The following GNAI1 variants were observed in gnomAD, a reference collection of about 807,000 sequenced individuals.
GNAI1 encodes G protein subunit alpha i1, also known as guanine nucleotide-binding protein G(i) subunit alpha-1.
Under a neutral mutation model 38.9 loss-of-function variants are expected in GNAI1, and 11 were observed. The observed-to-expected ratio is 0.28, with a 90% CI of 0.18 to 0.47. The LOEUF (loss-of-function observed/expected upper bound fraction) is 0.47, where lower values mean the gene tolerates loss of function less well. Ranked by LOEUF, GNAI1 falls within the 20% of genes least tolerant of loss-of-function variation. The pLI is 0.99. For missense variants in GNAI1, 317 were observed against 436.9 expected (o/e 0.73, Z 2.45); for synonymous variants, 166 against 145.1 (o/e 1.14, Z -1.04).
At position 80,217,212 on chromosome 7, in the gene GNAI1, CTTCAGTTTCATATGTATGAAACTGAA is replaced by C. The variant is rs1788986756; in HGVS notation, c.875-84_875-59del. The C allele has an allele frequency of 2.0e-5, 16 of 790,868 alleles. No homozygotes were observed. In the South Asian group the frequency reaches 3.4e-4, roughly 17 times the overall value. The allele number at this position is 790,868 out of a possible 1,614,324, so 49.0% of individuals were successfully genotyped here. A position where few individuals can be genotyped will look rare whatever the true frequency, so the allele number is the denominator to read the frequency against. On this transcript the variant is annotated intron_variant, in intron 7 of 7. Coordinates refer to ENST00000649796, the MANE Select transcript of GNAI1 (RefSeq NM_002069.6). ...CATGAATGAAACTGTATGAAACTGA[CTTCAGTTTCATATGTATGAAACTGAA>C]TTCAGTATTTTAAGCAGTTATTTTA...
chr7:80,197,159 G>T (rs1788591937), intron 3 of GNAI1, among the ~76,000 whole-genome samples: 1 of 140,068 alleles, frequency 7.1e-6, no homozygotes, highest in Admixed American at 7.4e-5. Context: ...ATTTGACCTT[G>T]ACCTATTTTT....
rs900663786 is a variant in GNAI1, at chr7:80,135,914, G to T, written c.118+636G>T. On this transcript the variant is annotated intron_variant, in intron 1 of 7. Coordinates refer to ENST00000649796, the MANE Select transcript of GNAI1 (RefSeq NM_002069.6). Reference sequence around the variant, plus strand: ...ATGCTTGATTTTTCTTGCTGTGGGGGCATGGAAGCCACCCAAGTGGGGTTG... The same window carrying T: ...ATGCTTGATTTTTCTTGCTGTGGGGTCATGGAAGCCACCCAAGTGGGGTTG... 4 of 985,322 alleles carry T rather than the reference G, an allele frequency of 4.1e-6. No homozygotes were observed. In the African/African-American group the frequency reaches 7.0e-5, roughly 17 times the overall value. 61.0% of individuals were successfully genotyped at this position (985,322 alleles called of 1,614,324 possible). A position where few individuals can be genotyped will look rare whatever the true frequency, so the allele number is the denominator to read the frequency against.
At chr7:80,203,481 T>C (rs56002618) in intron 4 of GNAI1, among the ~76,000 whole-genome samples, 2,673 of 152,230 alleles carry the variant, frequency 0.018, 30 homozygotes, top group Middle Eastern at 0.051. Context: ...TAAAAAATAC[T>C]AAAAGAGCTT....
chr7:80,152,642 C>T (rs1787748646), intron 1 of GNAI1, among the ~76,000 whole-genome samples: 1 of 147,800 alleles, frequency 6.8e-6, no homozygotes, highest in East Asian at 2.1e-4. Context: ...CTCACTTCAA[C>T]CTCCAACTTC....
At chr7:80,177,088 T>C (rs1468053318) in intron 1 of GNAI1, among the ~76,000 whole-genome samples, 1 of 129,796 alleles carries the variant, frequency 7.7e-6, no homozygotes, top group East Asian at 2.4e-4. Context: ...TGGAGTGTAG[T>C]GGCACAATCT....
rs574486315 is a variant in GNAI1 at position 80,185,645 on chromosome 7, C to A, written c.119-3306C>A. 2.6e-5 allele frequency among the ~76,000 whole-genome samples: 4 copies of A among 152,244 alleles called. 1 individual carries two copies. Among genetic ancestry groups the A allele is most frequent in the South Asian group, 4.1e-4 (2 of 4,824 alleles). ...CGGTGGCCCTACTACGATTAAACTT[C>A]TTTCTCTGCTGCAGCCCAGGGTCTC... is the stretch of plus-strand genomic sequence containing the variant. On this transcript the variant is annotated intron_variant, in intron 1 of 7. Coordinates refer to ENST00000649796, the MANE Select transcript of GNAI1 (RefSeq NM_002069.6).
At chr7:80,191,611 C>T (rs566085939) in intron 3 of GNAI1, among the ~76,000 whole-genome samples, 4 of 152,218 alleles carry the variant, frequency 2.6e-5, no homozygotes, top group Non-Finnish European at 1.5e-5. Context: ...AGACTGGTCT[C>T]GAGCTCCTGG....
chr7:80,219,027 T>TTTTGTGTGTGTGTGTG lies in GNAI1; in HGVS notation c.*1535_*1536insTTGTGTGTGTGTGTGT, dbSNP rs1554353980. ...GTGTTGTCACTGGGTTGAAGTATATTTGTGTGTGTGTGTGTGTGTGTGTGT... is the reference window on the plus strand; with the variant it reads ...GTGTTGTCACTGGGTTGAAGTATATTTTTGTGTGTGTGTGTGTGTGTGTGTGTGTGTGTGTGTGTGT... On this transcript the variant is annotated 3_prime_UTR_variant, in exon 8 of 8. Transcript: ENST00000649796. 5 of 145,836 alleles carry TTTTGTGTGTGTGTGTG rather than the reference T, an allele frequency of 3.4e-5. No individual in the cohort carries two copies. The highest frequency in any genetic ancestry group is 1.0e-4 in the African/African-American group (4 of 39,220). The allele number at this position is 145,836 out of a possible 1,614,324, so 9.0% of individuals were successfully genotyped here. A position where few individuals can be genotyped will look rare whatever the true frequency, so the allele number is the denominator to read the frequency against.
chr7:80,155,721 G>C (rs1456614895), intron 1 of GNAI1, among the ~76,000 whole-genome samples: 2 of 150,590 alleles, frequency 1.3e-5, no homozygotes, highest in African/African-American at 2.4e-5. Context: ...TACACAGTTA[G>C]ATGTTTAAGA....
chr7:80,140,141 G>T (rs1050742066), intron 1 of GNAI1, among the ~76,000 whole-genome samples: 2 of 151,906 alleles, frequency 1.3e-5, no homozygotes, highest in African/African-American at 4.8e-5. Context: ...CTGCCACCAC[G>T]CCCGGCTAAT....
intron 5 of GNAI1, among the ~76,000 whole-genome samples, chr7:80,209,406 A>C (rs2115701416): frequency 6.6e-6 from 1 of 152,246 alleles, no homozygotes; most frequent in South Asian, 2.1e-4. Flanking sequence ...GGGAAACCTC[A>C]GTTTTTGCCA....
intron 1 of GNAI1, among the ~76,000 whole-genome samples, chr7:80,176,177 A>G (rs1310910638): frequency 2.0e-5 from 3 of 152,222 alleles, no homozygotes; most frequent in African/African-American, 7.2e-5. Context: ...TGACATGGAG[A>G]AAGTTTTAGT....
intron 3 of GNAI1, among the ~76,000 whole-genome samples, chr7:80,192,166 T>G (rs566221933): frequency 2.6e-5 from 4 of 152,174 alleles, no homozygotes; most frequent in African/African-American, 4.8e-5. Context: ...ACAGAACTGT[T>G]AAGATTTTTA....
chr7:80,166,809 T>C lies in GNAI1; in HGVS notation c.119-22142T>C, dbSNP rs112343694. 1.8e-3 allele frequency among the ~76,000 whole-genome samples: 276 copies of C among 152,352 alleles called. 1 individual carries two copies. Among genetic ancestry groups the C allele is most frequent in the African/African-American group, 6.3e-3 (263 of 41,586 alleles). ...GAATCTTCTACATGTAATACATGTG[T>C]ATACCTGTGGTTCTTAAAAATGATT... On this transcript the variant is annotated intron_variant, in intron 1 of 7. Coordinates refer to ENST00000649796, the MANE Select transcript of GNAI1 (RefSeq NM_002069.6).
chr7:80,135,155 G>T lies in GNAI1; in HGVS notation c.-6G>T, dbSNP rs570827373. The T allele has an allele frequency of 6.7e-7, 1 of 1,496,004 alleles. No homozygotes were observed. The highest frequency in any genetic ancestry group is 1.3e-5 in the South Asian group (1 of 74,656). 92.7% of individuals were successfully genotyped at this position (1,496,004 alleles called of 1,614,324 possible). ...GGAGCGGCGGCAGGCTCTCGCTTTC[G>T]GCACCATGGGCTGCACGCTGAGCGC... On this transcript the variant is annotated 5_prime_UTR_variant, in exon 1 of 8. Transcript: ENST00000649796.
chr7:80,156,433 G>T (rs1787819831), intron 1 of GNAI1, among the ~76,000 whole-genome samples: 1 of 151,686 alleles, frequency 6.6e-6, no homozygotes, highest in Admixed American at 6.6e-5. Flanking sequence ...ATAAAGGAAA[G>T]CTTTTTTTTT....
chr7:80,179,412 T>C (rs577124062), intron 1 of GNAI1, among the ~76,000 whole-genome samples: 1 of 152,318 alleles, frequency 6.6e-6, no homozygotes, highest in Admixed American at 6.5e-5. Context: ...ACTGCCATCA[T>C]AGCTTCAGAA....
chr7:80,155,133 T>C, intron 1 of GNAI1, among the ~76,000 whole-genome samples: 1 of 152,176 alleles, frequency 6.6e-6, no homozygotes. Flanking sequence ...ACTGACTCAA[T>C]ATGTGGGATT....
intron 1 of GNAI1, among the ~76,000 whole-genome samples, chr7:80,159,434 GC>G (rs1787879859): frequency 6.6e-6 from 1 of 151,986 alleles, no homozygotes; most frequent in Admixed American, 6.6e-5. Context: ...ACTCTTGTTG[GC>G]CCATAGCAGA....
Sources: allele counts gnomAD v4.1 joint callset (sites outside exome capture counted in the v4.1 genomes callset), GRCh38; gene constraint gnomAD v4.1.1; transcripts MANE v1.5; gene names NCBI Gene and HGNC (gene_info 2026-07-23, HGNC 2026-07-21).